The following NCKAP1 variants were observed in gnomAD, a reference collection of about 807,000 sequenced individuals.
NCKAP1 encodes NCK associated protein 1, also known as nck-associated protein 1.
In NCKAP1, 21 loss-of-function variants were observed where a neutral mutation model predicts 151.2. The observed-to-expected ratio is 0.14, with a 90% CI of 0.10 to 0.20. The LOEUF (loss-of-function observed/expected upper bound fraction) is 0.20. Among genes scored for constraint, NCKAP1 ranks in the 10% least tolerant of loss-of-function variants. The probability of loss-of-function intolerance (pLI) is 1.00; values close to 1 mark genes in which losing one functional copy is unlikely to be tolerated. For synonymous variants in NCKAP1, 484 were observed against 451.8 expected, an observed-to-expected ratio of 1.07 and a Z score of -0.90; for missense variants, 933 against 1,352.1, an observed-to-expected ratio of 0.69 and a Z score of 4.86.
At chr2:182,977,041 ATTCTAC>A (rs1208860005) in intron 14 of NCKAP1, 90 bp from the exon 15 acceptor site, 5 of 820,138 alleles carry the variant, frequency 6.1e-6, no homozygotes, top group Non-Finnish European at 9.0e-6. Context: ...AGCTAAGACA[ATTCTAC>A]TTCTGAGTAT....
At chr2:183,035,440 TA>T (rs1207351186) in intron 1 of NCKAP1, among the ~76,000 whole-genome samples, 1 of 152,124 alleles carries the variant, frequency 6.6e-6, no homozygotes, top group Non-Finnish European at 1.5e-5. Context: ...TGAAACAGAG[TA>T]ATTAGATCTG....
intron 24 of NCKAP1, among the ~76,000 whole-genome samples, chr2:182,938,119 A>C (rs1352853873): frequency 6.6e-6 from 1 of 152,230 alleles, no homozygotes; most frequent in Non-Finnish European, 1.5e-5. Flanking sequence ...ACAAATTCCC[A>C]GGTGGTGCTG....
At chr2:182,979,046 AT>A (rs1697884710) in intron 13 of NCKAP1, 131 bp from the exon 14 acceptor site, 1 of 466,156 alleles carries the variant, frequency 2.1e-6, no homozygotes, top group African/African-American at 2.0e-5. Context: ...TAAAAAAGAA[AT>A]GAAATTTTAA....
intron 18 of NCKAP1, among the ~76,000 whole-genome samples, chr2:182,959,044 GCTA>G (rs1408847404): frequency 6.6e-6 from 1 of 152,014 alleles, no homozygotes; most frequent in Non-Finnish European, 1.5e-5. Context: ...TTTGTGTATG[GCTA>G]CTACAAAATT....
At chr2:183,008,221 C>T (rs1023250196) in intron 2 of NCKAP1, among the ~76,000 whole-genome samples, 2 of 152,206 alleles carry the variant, frequency 1.3e-5, no homozygotes, top group Admixed American at 6.5e-5. Flanking sequence ...AGCCACCACG[C>T]CCAGCCACAG....
Position 182,967,209 on chromosome 2 carries a change from A to T in NCKAP1, c.1628+7T>A. ...CAAATCCAGATTTAGAGAAAATTACAACATACCAAAATATGGAGAGATCTG... is the reference window on the plus strand; with the variant it reads ...CAAATCCAGATTTAGAGAAAATTACTACATACCAAAATATGGAGAGATCTG... On this transcript the variant is annotated splice_region_variant and intron_variant, in intron 16 of 30. Transcript: ENST00000361354. 2 of 1,592,564 alleles carry T rather than the reference A, an allele frequency of 1.3e-6. No individual in the cohort carries two copies. Among genetic ancestry groups the T allele is most frequent in the Non-Finnish European group, 1.7e-6 (2 of 1,173,968 alleles).
At chr2:183,030,055 T>C (rs1698977123) in intron 1 of NCKAP1, among the ~76,000 whole-genome samples, 1 of 152,146 alleles carries the variant, frequency 6.6e-6, no homozygotes, top group African/African-American at 2.4e-5. Context: ...AATTCATACC[T>C]GATTCCAAAA....
intron 2 of NCKAP1, among the ~76,000 whole-genome samples, chr2:183,010,786 C>T (rs1310009978): frequency 6.6e-6 from 1 of 152,148 alleles, no homozygotes; most frequent in East Asian, 1.9e-4. Context: ...TAAAGGGTAT[C>T]ACATTGCATT....
At chr2:183,034,384 T>A (rs1343197187) in intron 1 of NCKAP1, among the ~76,000 whole-genome samples, 1 of 28,548 alleles carries the variant, frequency 3.5e-5, no homozygotes, top group Non-Finnish European at 2.0e-4. Context: ...TTGTATGGGT[T>A]TTTTTTTTTT....
chr2:182,983,733 T>C (rs1451349046), intron 10 of NCKAP1, among the ~76,000 whole-genome samples: 1 of 152,202 alleles, frequency 6.6e-6, no homozygotes, highest in Non-Finnish European at 1.5e-5. Context: ...CTTTATAGAC[T>C]ATGAAGTTCT....
intron 2 of NCKAP1, among the ~76,000 whole-genome samples, chr2:183,018,343 T>C (rs1449641045): frequency 1.3e-5 from 2 of 152,190 alleles, no homozygotes; most frequent in Non-Finnish European, 2.9e-5. Context: ...GAACTCAAAT[T>C]CTGGTTTACT....
Position 182,919,500 on chromosome 2 carries a change from T to C in NCKAP1, c.*6202A>G, listed in dbSNP as rs1195566810. On this transcript the variant is annotated 3_prime_UTR_variant, in exon 31 of 31. Coordinates refer to ENST00000361354, the MANE Select transcript of NCKAP1 (RefSeq NM_013436.5). ...ATGGTCATACCTAATTAGTATGACA[T>C]TCTGATTATTAACTGGATATTTCCT... 6.6e-6 allele frequency: 1 copy of C among 152,238 alleles called. No homozygotes were observed. Among genetic ancestry groups the C allele is most frequent in the Admixed American group, 6.5e-5 (1 of 15,284 alleles). The allele number at this position is 152,238 out of a possible 1,614,324, so 9.4% of individuals were successfully genotyped here. A position where few individuals can be genotyped will look rare whatever the true frequency, so the allele number is the denominator to read the frequency against.
chr2:182,978,210 G>C (rs1158572312), intron 14 of NCKAP1, among the ~76,000 whole-genome samples: 1 of 152,134 alleles, frequency 6.6e-6, no homozygotes, highest in African/African-American at 2.4e-5. Context: ...TTACTCAGAA[G>C]TTTTCAAGGT....
intron 1 of NCKAP1, among the ~76,000 whole-genome samples, chr2:183,034,283 G>C (rs1184102014): frequency 6.6e-6 from 1 of 150,446 alleles, no homozygotes; most frequent in Non-Finnish European, 1.5e-5. Flanking sequence ...AAAGGATAGG[G>C]AAAAAAAGAA....
In NCKAP1 at chr2:182,914,579, ACT is replaced by A. The variant is rs1409067629; in HGVS notation, c.*11121_*11122del. On this transcript the variant is annotated 3_prime_UTR_variant, in exon 31 of 31. Coordinates refer to ENST00000361354, the MANE Select transcript of NCKAP1 (RefSeq NM_013436.5). Reference sequence around the variant, plus strand: ...ACCCACTATAACCATCTTTGAGGACACTCTGCATTTTAGAAGTGCCACAATAG... The same window carrying A: ...ACCCACTATAACCATCTTTGAGGACACTGCATTTTAGAAGTGCCACAATAG... The A allele has an allele frequency of 2.0e-5, 3 of 152,132 alleles. No homozygotes were observed. The highest frequency in any genetic ancestry group is 4.4e-5 in the Non-Finnish European group (3 of 68,022). The allele number at this position is 152,132 out of a possible 1,614,324, so 9.4% of individuals were successfully genotyped here.
intron 19 of NCKAP1, 128 bp from the exon 20 acceptor site, chr2:182,956,721 C>CCTG: frequency 1.1e-6 from 1 of 935,914 alleles, no homozygotes; most frequent in South Asian, 2.0e-5. Context: ...TTCTCCTAAA[C>CCTG]TGAGAAAGTT....
intron 27 of NCKAP1, among the ~76,000 whole-genome samples, chr2:182,929,531 C>A (rs572789570): frequency 1.3e-5 from 2 of 151,588 alleles, no homozygotes; most frequent in Non-Finnish European, 3.0e-5. Flanking sequence ...AAGACATAAC[C>A]CTTTCTAAAA....
intron 25 of NCKAP1, 49 bp from the exon 26 acceptor site, chr2:182,934,881 C>G: frequency 1.2e-6 from 1 of 867,052 alleles, no homozygotes; most frequent in Non-Finnish European, 1.8e-6. Flanking sequence ...AAATGGCAAC[C>G]CCTAAATTTA....
At chr2:183,004,752 C>A (rs752325941) in intron 2 of NCKAP1, among the ~76,000 whole-genome samples, 1 of 151,706 alleles carries the variant, frequency 6.6e-6, no homozygotes, top group South Asian at 2.1e-4. Context: ...GGCATGGTGG[C>A]GCATGCCTGT....
Sources: gnomAD v4.1 joint callset for allele counts (sites outside exome capture counted in the v4.1 genomes callset) on GRCh38, gnomAD v4.1.1 for gene constraint, MANE v1.5 for transcripts, NCBI Gene and HGNC (gene_info 2026-07-23, HGNC 2026-07-21) for gene names.